The following AGRN variants were observed in gnomAD, a reference collection of about 807,000 sequenced individuals.
AGRN encodes agrin.
In AGRN, 106 loss-of-function variants were observed where a neutral mutation model predicts 211.0. The observed-to-expected ratio is 0.50, with a 90% CI of 0.43 to 0.59. AGRN has a LOEUF of 0.59. AGRN is among the 20% of genes least tolerant of loss of function. AGRN has a pLI of 0.00. For missense variants in AGRN, 3,040 were observed against 2,982.6 expected (o/e 1.02, Z -0.45); for synonymous variants, 1,525 against 1,332.5 (o/e 1.14, Z -3.15).
intron 2 of AGRN, among the ~76,000 whole-genome samples, chr1:1,030,362 CTG>C (rs1158155467): frequency 1.3e-4 from 14 of 108,880 alleles, no homozygotes; most frequent in South Asian, 3.1e-4. Flanking sequence ...GCGCATGGTG[CTG>C]TGTGAGATCA....
intron 1 of AGRN, among the ~76,000 whole-genome samples, chr1:1,021,838 C>T (rs1644413462): frequency 6.6e-6 from 1 of 152,194 alleles, no homozygotes; most frequent in Admixed American, 6.5e-5. Flanking sequence ...GGGAGGTGGG[C>T]CCTGAGCACT....
chr1:1,034,645 C>G (rs1001127093), intron 2 of AGRN: 2 of 988,222 alleles, frequency 2.0e-6, no homozygotes, highest in African/African-American at 3.5e-5. Flanking sequence ...GCAACGCCTG[C>G]CTGATCCTGC....
Position 1,048,372 on chromosome 1 carries a change from A to T in AGRN, c.4105+7A>T. ...GGCGCCGTCTGTGAGAAGGGTAAGG[A>T]TGTCCACTGCAGAGGAGGGCGGGGA... On this transcript the variant is annotated splice_region_variant and intron_variant, in intron 23 of 35. Coordinates refer to ENST00000379370, the MANE Select transcript of AGRN (RefSeq NM_198576.4). This position sits in a 1 kb window ranked among gnomAD's most constrained non-coding sequence, Gnocchi z 5.9. 7.1e-7 allele frequency: 1 copy of T among 1,406,996 alleles called. No homozygotes were observed. The highest frequency in any genetic ancestry group is 9.5e-7 in the Non-Finnish European group (1 of 1,056,776). 87.2% of individuals were successfully genotyped at this position (1,406,996 alleles called of 1,614,324 possible).
chr1:1,033,770 T>C (rs1479392024), intron 2 of AGRN, among the ~76,000 whole-genome samples: 2 of 98,940 alleles, frequency 2.0e-5, no homozygotes, highest in African/African-American at 8.0e-5. Context: ...CCAGCCCCAG[T>C]CCCGGCCCAG....
At chr1:1,035,835 C>T (rs942692276) in intron 3 of AGRN, among the ~76,000 whole-genome samples, 1 of 150,228 alleles carries the variant, frequency 6.7e-6, no homozygotes, top group Non-Finnish European at 1.5e-5. Flanking sequence ...TGCAGGCTGT[C>T]ATGGGGGGAC....
At chr1:1,054,261 C>T (rs1171998531) in intron 34 of AGRN, among the ~76,000 whole-genome samples, 187 bp from the exon 35 acceptor site, 1 of 152,238 alleles carries the variant, frequency 6.6e-6, no homozygotes, top group Non-Finnish European at 1.5e-5. Context: ...GCAGGAATGT[C>T]CCCGGCCTTG....
chr1:1,049,382 G>T lies in AGRN; in HGVS notation c.4445G>T (p.Ser1482Ile). 6.3e-7 allele frequency: 1 copy of T among 1,598,868 alleles called. No homozygotes were observed. Among genetic ancestry groups the T allele is most frequent in the Non-Finnish European group, 8.5e-7 (1 of 1,179,736 alleles). The change falls in exon 25 of 36, where the codon AGT becomes ATT. Residue 1482 changes from serine (S) to isoleucine (I), a missense_variant. Coordinates refer to ENST00000379370, the MANE Select transcript of AGRN (RefSeq NM_198576.4). Reference protein sequence around the residue: ...GETPVLGESPSGTDGLNLDTD... With the variant: ...GETPVLGESPIGTDGLNLDTD... Reference sequence around the variant, plus strand: ...ACCCCTGTTCTGGGCGAGAGTCCCAGTGGCACCGACGGCCTCAACCTGGAC... The same window carrying T: ...ACCCCTGTTCTGGGCGAGAGTCCCATTGGCACCGACGGCCTCAACCTGGAC...
At chr1:1,049,081 C>A (rs776582680) in intron 24 of AGRN, 22 bp downstream of exon 24, 103 of 1,278,442 alleles carry the variant, frequency 8.1e-5, no homozygotes, top group Non-Finnish European at 1.1e-4. Flanking sequence ...GGGGACGGGG[C>A]CGGGGCAGCT....
At position 1,028,309 on chromosome 1, in the gene AGRN, C is replaced by T. The variant is rs965539496; in HGVS notation, c.463+5847C>T. 4.9e-5 allele frequency among the ~76,000 whole-genome samples: 7 copies of T among 142,882 alleles called. No homozygotes were observed. The East Asian group carries it at 8.4e-4, about 17-fold the overall frequency. 93.7% of individuals were successfully genotyped at this position (142,882 alleles called of 152,430 possible). ...CTCCCCTGCTGGCCGTTCTCTCTCC[C>T]GTGGGGAAACGCCCCCCCCCCCCCC... On this transcript the variant is annotated intron_variant, in intron 2 of 35. Coordinates refer to ENST00000379370, the MANE Select transcript of AGRN (RefSeq NM_198576.4).
chr1:1,048,278 C>A lies in AGRN; in HGVS notation c.4018C>A (p.His1340Asn). 6.6e-7 allele frequency: 1 copy of A among 1,526,294 alleles called. No individual in the cohort carries two copies. Among genetic ancestry groups the A allele is most frequent in the Non-Finnish European group, 8.8e-7 (1 of 1,133,050 alleles). 94.5% of individuals were successfully genotyped at this position (1,526,294 alleles called of 1,614,324 possible). Residue 1340 changes from histidine (H) to asparagine (N), a missense_variant, in exon 23 of 36, where the codon CAC (histidine) becomes AAC (asparagine). By Grantham distance (68) the His-to-Asn change is moderately conservative. This residue lies in a region of AGRN where 1,537 missense variants were observed against 1,505.0 expected (regional missense o/e 1.02). Transcript: ENST00000379370. The surrounding 1 kb of genome is among the most constrained non-coding windows in gnomAD (Gnocchi z 5.9). ...PKPCDSQPCF[H>N]GGTCQDWALG... ...GCCCTGTGACTCACAGCCCTGCTTC[C>A]ACGGGGGGACCTGCCAGGACTGGGC...
chr1:1,049,157 G>T (rs1455427989), intron 24 of AGRN, 79 bp from the exon 25 acceptor site: 1 of 871,240 alleles, frequency 1.1e-6, no homozygotes, highest in Non-Finnish European at 1.6e-6. Flanking sequence ...GTGGGGTGGG[G>T]ACGGGGGCGG....
At chr1:1,050,960 C>T (rs955451891) in intron 30 of AGRN, 123 bp downstream of exon 30, 99 of 1,549,304 alleles carry the variant, frequency 6.4e-5, no homozygotes, top group Middle Eastern at 1.7e-4. Flanking sequence ...GCCGCCTGCC[C>T]TGTCCTCTGC....
chr1:1,021,366 G>C (rs1011680757), intron 1 of AGRN, among the ~76,000 whole-genome samples: 4 of 152,234 alleles, frequency 2.6e-5, no homozygotes, highest in African/African-American at 7.2e-5. Context: ...CCTACTGTTG[G>C]GGGGCGTGGA....
chr1:1,029,118 G>A (rs909970073), intron 2 of AGRN, among the ~76,000 whole-genome samples: 4 of 144,288 alleles, frequency 2.8e-5, no homozygotes, highest in African/African-American at 8.1e-5. Context: ...CACCCTTTCC[G>A]AAGGAACCGA....
At position 1,053,584 on chromosome 1, in the gene AGRN, T is replaced by C. The variant is rs557489663; in HGVS notation, c.5652-169T>C. 3.3e-4 allele frequency: 504 copies of C among 1,511,092 alleles called. 3 individuals carry two copies. In the African/African-American group the frequency reaches 5.8e-3, roughly 17 times the overall value. The allele number at this position is 1,511,092 out of a possible 1,614,324, so 93.6% of individuals were successfully genotyped here. On this transcript the variant is annotated intron_variant, in intron 33 of 35. Transcript: ENST00000379370. ...TGATCTCTCTCTGCCAGGCTGCCCC[T>C]GTCTCCATCCCTCTTCTCCCTCCCA...
At position 1,046,734 on chromosome 1, in the gene AGRN, G is replaced by C; in HGVS notation, c.3249G>C (p.Gly1083=). ...AGGAGGCCAGTGGGGGTGGCTCTGG[G>C]GGTGAGCAGGGATCAAGGACTTGGG... ...GDQEASGGGS[G]GLEPLEGSSV... Residue 1083 remains glycine (G), a splice_region_variant and synonymous_variant, in exon 18 of 36, where the codon GGG becomes GGC. Coordinates refer to ENST00000379370, the MANE Select transcript of AGRN (RefSeq NM_198576.4). The C allele has an allele frequency of 2.5e-6, 4 of 1,579,836 alleles. No individual in the cohort carries two copies. The highest frequency in any genetic ancestry group is 3.4e-6 in the Non-Finnish European group (4 of 1,169,308).
At chr1:1,054,409 C>T in intron 34 of AGRN, 39 bp from the exon 35 acceptor site, 1 of 1,528,860 alleles carries the variant, frequency 6.5e-7, no homozygotes, top group Non-Finnish European at 8.9e-7. Context: ...GCAGAGGGAA[C>T]TCTGGGCCCT....
At chr1:1,040,633 G>A in intron 3 of AGRN, 32 bp from the exon 4 acceptor site, 3 of 1,545,536 alleles carry the variant, frequency 1.9e-6, no homozygotes, top group Middle Eastern at 2.1e-4. Flanking sequence ...GGGCGTCTCG[G>A]CACCCTGAGC....
In AGRN at chr1:1,046,167, G is replaced by A. The variant is rs1645086436; in HGVS notation, c.2813G>A (p.Gly938Glu). Residue 938 changes from glycine to glutamate, a missense_variant, in exon 17 of 36, where the codon GGG (glycine) becomes GAG (glutamate). Physicochemically the swap from Gly to Glu is moderately conservative, Grantham distance 98 (BLOSUM62 -2). Transcript: ENST00000379370. ...CCTTGTTCTCTGCCCCAGGTCTGTG[G>A]GTCAGATGGAGTCACATACGGCAAC... ...CPEANATKVC[G>E]SDGVTYGNEC... The A allele has an allele frequency of 6.2e-7, 1 of 1,613,910 alleles. No individual in the cohort carries two copies. Among genetic ancestry groups the A allele is most frequent in the Non-Finnish European group, 8.5e-7 (1 of 1,180,002 alleles).
Sources: gnomAD v4.1 joint callset for allele counts (sites outside exome capture counted in the v4.1 genomes callset) on GRCh38, gnomAD v4.1.1 for gene constraint, gnomAD v4.1.1 regional missense constraint, Gnocchi (gnomAD v3.1) non-coding constraint, MANE v1.5 for transcripts, NCBI Gene and HGNC (gene_info 2026-07-23, HGNC 2026-07-21) for gene names.